The following PDSS2 variants were observed in gnomAD, a reference collection of about 807,000 sequenced individuals.
PDSS2 encodes all trans-polyprenyl-diphosphate synthase PDSS2.
A neutral mutation model predicts 44.5 loss-of-function variants in PDSS2; 31 were observed. The ratio of observed to expected loss-of-function variants is 0.70; its 90% CI spans 0.52 to 0.94. PDSS2 has a LOEUF of 0.94. Among genes scored for constraint, PDSS2 ranks in the 40% least tolerant of loss-of-function variants. PDSS2 has a pLI of 0.00. For synonymous variants in PDSS2, 157 were observed against 180.3 expected (o/e 0.87, Z 1.03); for missense variants, 452 against 482.2 (o/e 0.94, Z 0.59).
intron 1 of PDSS2, among the ~76,000 whole-genome samples, chr6:107,434,729 A>G (rs1160265568): frequency 1.3e-5 from 2 of 152,122 alleles, no homozygotes; most frequent in African/African-American, 2.4e-5. Flanking sequence ...GTACATTTTA[A>G]AATAATTAAA....
intron 5 of PDSS2, among the ~76,000 whole-genome samples, chr6:107,210,862 G>GGC (rs1554254334): frequency 3.3e-5 from 5 of 151,614 alleles, no homozygotes; most frequent in African/African-American, 1.2e-4. Flanking sequence ...AAATTGGGGG[G>GGC]GGTTTGCACA....
intron 1 of PDSS2, among the ~76,000 whole-genome samples, chr6:107,405,716 G>A (rs911364309): frequency 4.0e-5 from 6 of 151,270 alleles, no homozygotes; most frequent in African/African-American, 7.3e-5. Flanking sequence ...GCGTAGCGGC[G>A]GGCGCCTGTA....
intron 2 of PDSS2, among the ~76,000 whole-genome samples, chr6:107,309,285 A>G (rs1776958606): frequency 6.6e-6 from 1 of 152,182 alleles, no homozygotes; most frequent in Non-Finnish European, 1.5e-5. Context: ...AGAGGCCTAC[A>G]TATTAATCAG....
At chr6:107,241,245 TAAAAA>T (rs35226308) in intron 4 of PDSS2, among the ~76,000 whole-genome samples, 1 of 98,112 alleles carries the variant, frequency 1.0e-5, no homozygotes, top group African/African-American at 3.9e-5. Context: ...CGAGACTCGG[TAAAAA>T]AAAAAAAAAA....
intron 1 of PDSS2, among the ~76,000 whole-genome samples, chr6:107,372,724 T>C (rs1779165802): frequency 6.6e-6 from 1 of 152,158 alleles, no homozygotes; most frequent in Non-Finnish European, 1.5e-5. Flanking sequence ...AGTGCTGGGA[T>C]TACAGGCGTG....
intron 1 of PDSS2, among the ~76,000 whole-genome samples, chr6:107,386,224 C>G (rs377509951): frequency 6.6e-6 from 1 of 152,090 alleles, no homozygotes; most frequent in Non-Finnish European, 1.5e-5. Flanking sequence ...AAATGATCCA[C>G]TTTTCTTCTG....
At chr6:107,293,969 A>G (rs1004543940) in intron 2 of PDSS2, among the ~76,000 whole-genome samples, 1 of 152,168 alleles carries the variant, frequency 6.6e-6, no homozygotes, top group African/African-American at 2.4e-5. Context: ...ATTGCTTCAC[A>G]AGAGGCTGAG....
intron 3 of PDSS2, among the ~76,000 whole-genome samples, chr6:107,272,712 G>A (rs1238820770): frequency 2.0e-5 from 3 of 152,106 alleles, no homozygotes; most frequent in Non-Finnish European, 2.9e-5. Context: ...GGCCAGGCGT[G>A]GTGGCTCATG....
chr6:107,320,480 A>G (rs926644189), intron 2 of PDSS2, among the ~76,000 whole-genome samples: 1 of 152,222 alleles, frequency 6.6e-6, no homozygotes, highest in Non-Finnish European at 1.5e-5. Flanking sequence ...AGGACTAATG[A>G]CAAATGAAAT....
At chr6:107,396,699 T>TTTC (rs1253383321) in intron 1 of PDSS2, among the ~76,000 whole-genome samples, 3 of 147,768 alleles carry the variant, frequency 2.0e-5, no homozygotes, top group Admixed American at 6.8e-5. Context: ...TTTTTTTTTT[T>TTTC]TGAGACAGGG....
At chr6:107,413,153 GT>G (rs1780555737) in intron 1 of PDSS2, among the ~76,000 whole-genome samples, 2 of 152,128 alleles carry the variant, frequency 1.3e-5, no homozygotes, top group African/African-American at 4.8e-5. Context: ...GTTTATTACA[GT>G]TTTTGTAGTA....
At chr6:107,277,446 A>G (rs1273179108) in intron 2 of PDSS2, among the ~76,000 whole-genome samples, 1 of 152,252 alleles carries the variant, frequency 6.6e-6, no homozygotes, top group East Asian at 1.9e-4. Flanking sequence ...GAAATGGTCT[A>G]TATTTTACAC....
At chr6:107,166,250 C>T (rs1554247502) in intron 7 of PDSS2, among the ~76,000 whole-genome samples, 2 of 152,008 alleles carry the variant, frequency 1.3e-5, no homozygotes, top group African/African-American at 2.4e-5. Context: ...TGCCAGTTTC[C>T]AACGGGAATG....
intron 1 of PDSS2, among the ~76,000 whole-genome samples, chr6:107,348,144 G>T (rs1352599990): frequency 6.6e-6 from 1 of 152,188 alleles, no homozygotes; most frequent in African/African-American, 2.4e-5. Flanking sequence ...TTTTTTTGGG[G>T]TTAAGGTGAT....
intron 2 of PDSS2, among the ~76,000 whole-genome samples, chr6:107,300,143 C>A (rs1776646725): frequency 6.6e-6 from 1 of 152,166 alleles, no homozygotes; most frequent in African/African-American, 2.4e-5. Flanking sequence ...TATCTTTAAC[C>A]TCCTTGTTAA....
intron 2 of PDSS2, among the ~76,000 whole-genome samples, chr6:107,309,054 A>G (rs141481028): frequency 2.3e-3 from 343 of 152,372 alleles, no homozygotes; most frequent in African/African-American, 7.7e-3. Context: ...GGATAAATTA[A>G]GGAGAAAAAA....
intron 1 of PDSS2, among the ~76,000 whole-genome samples, chr6:107,381,348 T>C (rs566393927): frequency 6.5e-4 from 99 of 152,354 alleles, no homozygotes; most frequent in African/African-American, 2.2e-3. Context: ...TTAAATGCTA[T>C]TAAATACTCA....
rs79598221 is a variant in PDSS2, at chr6:107,320,292, G to A, written c.431+13906C>T. ...TTACATCATTATTTGCAACAAATATGTAAGTAATTATAATAGAGTAATAGA... is the reference window on the plus strand; with the variant it reads ...TTACATCATTATTTGCAACAAATATATAAGTAATTATAATAGAGTAATAGA... On this transcript the variant is annotated intron_variant, in intron 2 of 7. Transcript: ENST00000369037. Among the ~76,000 whole-genome samples the A allele has an allele frequency of 0.013, 1,987 of 151,374 alleles. 116 individuals carry two copies. In the East Asian group the frequency reaches 0.19, roughly 14 times the overall value.
chr6:107,391,154 T>C (rs1779767696), intron 1 of PDSS2, among the ~76,000 whole-genome samples: 1 of 152,060 alleles, frequency 6.6e-6, no homozygotes, highest in African/African-American at 2.4e-5. Context: ...TATTTTATTC[T>C]TGTGGAAGAG....
Sources: gnomAD v4.1 joint callset for allele counts (sites outside exome capture counted in the v4.1 genomes callset) on GRCh38, gnomAD v4.1.1 for gene constraint, MANE v1.5 for transcripts, NCBI Gene and HGNC (gene_info 2026-07-23, HGNC 2026-07-21) for gene names.